KCNC2: variants seen among roughly 807,000 people sequenced by gnomAD.
KCNC2 encodes potassium voltage-gated channel subfamily C member 2, also known as voltage-gated potassium channel KCNC2.
A neutral mutation model predicts 44.5 loss-of-function variants in KCNC2; 21 were observed. The observed-to-expected ratio is 0.47, with a 90% CI of 0.33 to 0.68. The LOEUF (loss-of-function observed/expected upper bound fraction) is 0.68. Ranked by LOEUF, KCNC2 falls within the 30% of genes least tolerant of loss-of-function variation. The pLI is 0.01. For synonymous variants in KCNC2, 391 were observed against 339.1 expected, an observed-to-expected ratio of 1.15 and a Z score of -1.68; for missense variants, 589 against 826.2, an observed-to-expected ratio of 0.71 and a Z score of 3.52.
At chr12:75,172,438 C>T (rs1891893762) in intron 2 of KCNC2, among the ~76,000 whole-genome samples, 1 of 151,586 alleles carries the variant, frequency 6.6e-6, no homozygotes, top group African/African-American at 2.4e-5. Context: ...ACACATTTAC[C>T]TATGTAAGAA....
intron 2 of KCNC2, among the ~76,000 whole-genome samples, chr12:75,110,844 C>T (rs1887178871): frequency 6.6e-6 from 1 of 151,940 alleles, no homozygotes; most frequent in Admixed American, 6.6e-5. Flanking sequence ...ACCTAATTGT[C>T]CTAACGCCTT....
chr12:75,102,025 A>G, intron 2 of KCNC2, among the ~76,000 whole-genome samples: 1 of 152,094 alleles, frequency 6.6e-6, no homozygotes, highest in East Asian at 1.9e-4. Context: ...CAACGGCCCA[A>G]GGGATATGTC....
chr12:75,082,045 T>C (rs1419955932), intron 2 of KCNC2, among the ~76,000 whole-genome samples: 1 of 152,004 alleles, frequency 6.6e-6, no homozygotes, highest in Admixed American at 6.6e-5. Context: ...TTCTGCTAAG[T>C]TTACTCAAGA....
intron 2 of KCNC2, among the ~76,000 whole-genome samples, chr12:75,173,907 A>T (rs1017650541): frequency 2.0e-5 from 3 of 151,816 alleles, no homozygotes; most frequent in Non-Finnish European, 4.4e-5. Context: ...CACCAATGAA[A>T]CTTCATTTGT....
intron 2 of KCNC2, among the ~76,000 whole-genome samples, chr12:75,182,911 C>T (rs111644132): frequency 7.7e-4 from 117 of 152,276 alleles, no homozygotes; most frequent in African/African-American, 2.7e-3. Flanking sequence ...CAAGAGATTG[C>T]GGGCTGTTTT....
At chr12:75,154,717 G>T (rs1159199533) in intron 2 of KCNC2, among the ~76,000 whole-genome samples, 1 of 151,928 alleles carries the variant, frequency 6.6e-6, no homozygotes, top group East Asian at 1.9e-4. Context: ...AAGTAGGAAA[G>T]GAAAATCACA....
At chr12:75,088,610 TA>T (rs1885219130) in intron 2 of KCNC2, among the ~76,000 whole-genome samples, 1 of 152,006 alleles carries the variant, frequency 6.6e-6, no homozygotes, top group African/African-American at 2.4e-5. Flanking sequence ...CACAAGTATT[TA>T]AACTTGGGTG....
chr12:75,184,767 T>C lies in KCNC2; in HGVS notation c.687+22530A>G, dbSNP rs111355178. ...GGAAAGATTATATGCAAAATATTCATCCAGTTCTGTATGATGCATTGACTG... is the reference window on the plus strand; with the variant it reads ...GGAAAGATTATATGCAAAATATTCACCCAGTTCTGTATGATGCATTGACTG... On this transcript the variant is annotated intron_variant, in intron 2 of 4. Coordinates refer to ENST00000549446, the MANE Select transcript of KCNC2 (RefSeq NM_139137.4). 2.6e-3 allele frequency among the ~76,000 whole-genome samples: 394 copies of C among 152,324 alleles called. 4 individuals are homozygous for C. Among genetic ancestry groups the C allele is most frequent in the Middle Eastern group, 0.01 (3 of 294 alleles).
intron 2 of KCNC2, among the ~76,000 whole-genome samples, chr12:75,060,600 G>A (rs992354202): frequency 6.6e-6 from 1 of 151,790 alleles, no homozygotes; most frequent in African/African-American, 2.4e-5. Flanking sequence ...CAAGTTGCTG[G>A]GATTACATGC....
At chr12:75,200,958 T>G (rs1049295057) in intron 2 of KCNC2, among the ~76,000 whole-genome samples, 4 of 151,510 alleles carry the variant, frequency 2.6e-5, no homozygotes, top group Non-Finnish European at 5.9e-5. Flanking sequence ...AAACATGGTG[T>G]TGTTGATAAG....
intron 2 of KCNC2, among the ~76,000 whole-genome samples, chr12:75,141,603 T>A (rs1243558402): frequency 6.6e-6 from 1 of 152,020 alleles, no homozygotes; most frequent in African/African-American, 2.4e-5. Context: ...CATTCCATTT[T>A]AAAAAATTTA....
chr12:75,175,423 A>G (rs990411606), intron 2 of KCNC2, among the ~76,000 whole-genome samples: 10 of 152,016 alleles, frequency 6.6e-5, no homozygotes, highest in Non-Finnish European at 1.3e-4. Context: ...GAATTACATT[A>G]AAGATTGCAT....
intron 2 of KCNC2, among the ~76,000 whole-genome samples, chr12:75,148,822 C>A (rs1487547663): frequency 6.6e-6 from 1 of 151,768 alleles, no homozygotes; most frequent in Non-Finnish European, 1.5e-5. Context: ...ATTCTGAATT[C>A]AGTTTTGTTT....
intron 2 of KCNC2, among the ~76,000 whole-genome samples, chr12:75,146,175 C>T (rs1890015329): frequency 6.6e-6 from 1 of 151,992 alleles, no homozygotes; most frequent in Admixed American, 6.6e-5. Context: ...AGGATGGTCT[C>T]GATCTCCTGA....
chr12:75,153,613 CTATAATAA>C (rs2137479537), intron 2 of KCNC2, among the ~76,000 whole-genome samples: 1 of 151,140 alleles, frequency 6.6e-6, no homozygotes, highest in African/African-American at 2.4e-5. Flanking sequence ...TCCCCTAAAT[CTATAATAA>C]TAATAATAAT....
At chr12:75,096,787 A>C (rs959150590) in intron 2 of KCNC2, among the ~76,000 whole-genome samples, 1 of 152,114 alleles carries the variant, frequency 6.6e-6, no homozygotes, top group African/African-American at 2.4e-5. Context: ...AGATTAAGAC[A>C]GAATAGCTTG....
intron 2 of KCNC2, among the ~76,000 whole-genome samples, chr12:75,104,991 A>C (rs1217961509): frequency 6.6e-6 from 1 of 152,182 alleles, no homozygotes; most frequent in Non-Finnish European, 1.5e-5. Context: ...TTGAGAATTA[A>C]GCAAAGATCA....
At chr12:75,061,779 C>G (rs1364498365) in intron 2 of KCNC2, among the ~76,000 whole-genome samples, 4 of 151,948 alleles carry the variant, frequency 2.6e-5, no homozygotes, top group Non-Finnish European at 5.9e-5. Flanking sequence ...TTACTCTTAA[C>G]CAATCAGCAA....
intron 2 of KCNC2, among the ~76,000 whole-genome samples, chr12:75,112,030 C>T (rs1887295511): frequency 6.6e-6 from 1 of 151,756 alleles, no homozygotes; most frequent in African/African-American, 2.4e-5. Flanking sequence ...GCAGTTTATA[C>T]TAGATTTTGT....
Sources: gnomAD v4.1 joint callset for allele counts (sites outside exome capture counted in the v4.1 genomes callset) on GRCh38, gnomAD v4.1.1 for gene constraint, MANE v1.5 for transcripts, NCBI Gene and HGNC (gene_info 2026-07-23, HGNC 2026-07-21) for gene names.